Variants in SGPL1 observed in about 807,000 individuals in gnomAD.
The protein encoded by SGPL1 is SP-lyase 1.
Under a neutral mutation model 68.9 loss-of-function variants are expected in SGPL1, and 37 were observed. The observed-to-expected ratio is 0.54, with a 90% CI of 0.41 to 0.71. The LOEUF is 0.71. SGPL1 is among the 30% of genes least tolerant of loss of function. The pLI is 0.00. For missense variants in SGPL1, 551 were observed against 704.6 expected, an observed-to-expected ratio of 0.78 and a Z score of 2.47; for synonymous variants, 236 against 248.5, an observed-to-expected ratio of 0.95 and a Z score of 0.47.
At chr10:70,873,264 A>G (rs1846324646) in intron 11 of SGPL1, 87 bp from the exon 12 acceptor site, 1 of 951,790 alleles carries the variant, frequency 1.1e-6, no homozygotes, top group Admixed American at 1.8e-5. Flanking sequence ...AATAAATAGG[A>G]TTTCCTTTGC....
chr10:70,838,718 C>T lies in SGPL1; in HGVS notation c.28-5755C>T, dbSNP rs556753439. 4.8e-4 allele frequency among the ~76,000 whole-genome samples: 73 copies of T among 152,210 alleles called. No homozygotes were observed. In the South Asian group the frequency reaches 0.015, roughly 31 times the overall value. On this transcript the variant is annotated intron_variant, in intron 2 of 14. Transcript: ENST00000373202. The stretch of plus-strand genomic sequence containing the variant: ...GCAGATTATGATCCATTTAGAGGGA[C>T]ACAAAATCAGTTTAGTATATCAAGC...
chr10:70,841,128 G>C (rs537143255), intron 2 of SGPL1, among the ~76,000 whole-genome samples: 6 of 152,054 alleles, frequency 3.9e-5, no homozygotes, highest in Non-Finnish European at 7.4e-5. Flanking sequence ...GACTCCTCTG[G>C]TCTTTCCCAG....
At chr10:70,824,358 A>T (rs1374989142) in intron 2 of SGPL1, among the ~76,000 whole-genome samples, 4 of 152,258 alleles carry the variant, frequency 2.6e-5, no homozygotes, top group Non-Finnish European at 4.4e-5. Flanking sequence ...ATTTTGCATC[A>T]TGTATGCTTG....
At position 70,826,263 on chromosome 10, in the gene SGPL1, A is replaced by G. The variant is rs116825253; in HGVS notation, c.27+9383A>G. 7.1e-3 allele frequency among the ~76,000 whole-genome samples: 1,080 copies of G among 152,280 alleles called. 21 individuals carry two copies. The highest frequency in any genetic ancestry group is 0.025 in the African/African-American group (1,033 of 41,550). On this transcript the variant is annotated intron_variant, in intron 2 of 14. Coordinates refer to ENST00000373202, the MANE Select transcript of SGPL1 (RefSeq NM_003901.4). ...ATACAGTACTACAGTACAATACAAT[A>G]CAATGCAATGCCAGTACAATTCCAT...
Position 70,877,397 on chromosome 10 carries a change from C to A in SGPL1, c.*62C>A. On this transcript the variant is annotated 3_prime_UTR_variant, in exon 15 of 15. Transcript: ENST00000373202. The stretch of plus-strand genomic sequence containing the variant: ...TTCAGAAGGTTCTTGGGATATGGAA[C>A]AGGCCGTGCACAACTTTGACATCTG... The A allele has an allele frequency of 1.9e-6, 3 of 1,549,308 alleles. No homozygotes were observed. In the South Asian group the frequency reaches 3.4e-5, roughly 17 times the overall value.
chr10:70,858,192 G>A (rs1277282574), intron 6 of SGPL1, among the ~76,000 whole-genome samples: 1 of 152,132 alleles, frequency 6.6e-6, no homozygotes, highest in African/African-American at 2.4e-5. Context: ...CTGGAGTGGA[G>A]TGGTGTAATC....
chr10:70,831,820 G>A (rs941071546), intron 2 of SGPL1, among the ~76,000 whole-genome samples: 15 of 152,184 alleles, frequency 9.9e-5, no homozygotes, highest in African/African-American at 3.6e-4. Flanking sequence ...AGCAAGGCCT[G>A]TCTGTTCAGG....
rs775261141 is a variant in SGPL1 at position 70,868,431 on chromosome 10, A to G, written c.702A>G (p.Glu234=). Residue 234 remains glutamate, a splice_region_variant and synonymous_variant, in exon 8 of 15, where the codon GAA becomes GAG. Transcript: ENST00000373202. ...TTGAGAAGGGGATCAAAACTCCAGA[A>G]ATGTATGTATGTGTGGCTGTTTTGT... The part of the protein sequence containing the change: ...LAFEKGIKTP[E]IVAPQSAHAA... The G allele has an allele frequency of 6.2e-7, 1 of 1,612,588 alleles. No homozygotes were observed. Among genetic ancestry groups the G allele is most frequent in the Non-Finnish European group, 8.5e-7 (1 of 1,178,688 alleles).
intron 13 of SGPL1, 110 bp downstream of exon 13, chr10:70,875,658 G>T: frequency 2.7e-6 from 2 of 736,680 alleles, no homozygotes; most frequent in South Asian, 3.7e-5. Flanking sequence ...TAGCACGTTA[G>T]TAGCAACTGT....
At chr10:70,852,285 T>C (rs974351782) in intron 4 of SGPL1, among the ~76,000 whole-genome samples, 2 of 152,244 alleles carry the variant, frequency 1.3e-5, no homozygotes, top group African/African-American at 4.8e-5. Flanking sequence ...CAGATCGCTG[T>C]GCTAACTCTC....
chr10:70,836,008 T>A (rs144733634), intron 2 of SGPL1, among the ~76,000 whole-genome samples: 225 of 152,226 alleles, frequency 1.5e-3, no homozygotes, highest in African/African-American at 5.2e-3. Flanking sequence ...CTGAGAAAAC[T>A]GGTTTGTGTG....
intron 5 of SGPL1, 127 bp from the exon 6 acceptor site, chr10:70,857,487 T>C: frequency 1.5e-6 from 1 of 685,846 alleles, no homozygotes; most frequent in Non-Finnish European, 2.6e-6. Context: ...ATAAGAATGC[T>C]GTTGGGTTTC....
chr10:70,817,433 AT>A (rs1001610517), intron 2 of SGPL1, among the ~76,000 whole-genome samples: 1 of 152,140 alleles, frequency 6.6e-6, no homozygotes, highest in South Asian at 2.1e-4. Context: ...AATTATTATT[AT>A]TTTTTTTAAA....
In SGPL1 at chr10:70,816,958, G is replaced by A. The variant is rs141388805; in HGVS notation, c.27+78G>A. 7.4e-4 allele frequency: 965 copies of A among 1,312,286 alleles called. 4 individuals are homozygous for A. In the African/African-American group the frequency reaches 0.011, roughly 15 times the overall value. The allele number at this position is 1,312,286 out of a possible 1,614,324, so 81.3% of individuals were successfully genotyped here. On this transcript the variant is annotated intron_variant, in intron 2 of 14. Transcript: ENST00000373202. ...TTAGTCCAAAGGATCCCAGTGTGTA[G>A]ATTTCACCTCTGATGCTTGCTTTTG... is the stretch of plus-strand genomic sequence containing the variant.
Position 70,873,373 on chromosome 10 carries a change from C to G in SGPL1, c.1082C>G (p.Ser361Ter). Reference sequence around the variant, plus strand: ...CAGTATGGCTATGCCCCAAAAGGCTCATCATTGGTGTTGTATAGTGACAAG... The same window carrying G: ...CAGTATGGCTATGCCCCAAAAGGCTGATCATTGGTGTTGTATAGTGACAAG... ...THKYGYAPKG[S>*]SLVLYSDKKY... Residue 361 changes from serine (S) to a stop codon, truncating the protein, a stop_gained, in exon 12 of 15, where the codon TCA becomes TGA. Coordinates refer to ENST00000373202, the MANE Select transcript of SGPL1 (RefSeq NM_003901.4). LOFTEE classifies it high-confidence loss of function. 6.2e-7 allele frequency: 1 copy of G among 1,614,108 alleles called. No homozygotes were observed. Among genetic ancestry groups the G allele is most frequent in the Non-Finnish European group, 8.5e-7 (1 of 1,179,922 alleles).
chr10:70,819,778 A>G (rs1308361907), intron 2 of SGPL1, among the ~76,000 whole-genome samples: 1 of 152,060 alleles, frequency 6.6e-6, no homozygotes, highest in Non-Finnish European at 1.5e-5. Flanking sequence ...CGACAGGCAC[A>G]TGCCACCATG....
chr10:70,851,064 G>A (rs184664099), intron 3 of SGPL1, 79 bp from the exon 4 acceptor site: 220 of 1,082,034 alleles, frequency 2.0e-4, no homozygotes, highest in Admixed American at 1.0e-3. Context: ...TGAGGTGGAA[G>A]ACACATTGAA....
intron 3 of SGPL1, 126 bp downstream of exon 3, chr10:70,844,764 G>T: frequency 1.1e-6 from 1 of 881,600 alleles, no homozygotes; most frequent in Non-Finnish European, 1.7e-6. Context: ...TTTTTGAGAC[G>T]GAGTCTCCAT....
In SGPL1 at chr10:70,880,106, T is replaced by C. The variant is rs1053211282; in HGVS notation, c.*2771T>C. 1 of 152,622 alleles carries C rather than the reference T, an allele frequency of 6.6e-6. No homozygotes were observed. The highest frequency in any genetic ancestry group is 2.4e-5 in the African/African-American group (1 of 41,442). 9.5% of individuals were successfully genotyped at this position (152,622 alleles called of 1,614,324 possible). A position where few individuals can be genotyped will look rare whatever the true frequency, so the allele number is the denominator to read the frequency against. On this transcript the variant is annotated 3_prime_UTR_variant, in exon 15 of 15. Transcript: ENST00000373202. ...AATTAAATAGTTAAATGACCCTAAT[T>C]GTAATTACTGTGGATGGTTGCATTC... is the stretch of plus-strand genomic sequence containing the variant.
Sources: allele counts gnomAD v4.1 joint callset (sites outside exome capture counted in the v4.1 genomes callset), GRCh38; gene constraint gnomAD v4.1.1; transcripts MANE v1.5; gene names NCBI Gene and HGNC (gene_info 2026-07-23, HGNC 2026-07-21).